ANAPC15: variants seen among roughly 807,000 people sequenced by gnomAD.
The protein encoded by ANAPC15 is anaphase-promoting complex subunit 15.
Under a neutral mutation model 19.8 loss-of-function variants are expected in ANAPC15, and 13 were observed. The ratio of observed to expected loss-of-function variants is 0.66; its 90% CI spans 0.43 to 1.04. The LOEUF (loss-of-function observed/expected upper bound fraction) is 1.04. Ranked by LOEUF, ANAPC15 falls within the 50% of genes least tolerant of loss-of-function variation. The pLI is 0.00. For missense variants in ANAPC15, 88 were observed against 150.3 expected, an observed-to-expected ratio of 0.59 and a Z score of 2.17; for synonymous variants, 45 against 50.7, an observed-to-expected ratio of 0.89 and a Z score of 0.47.
intron 4 of ANAPC15, 158 bp downstream of exon 4, chr11:72,110,386 C>G (rs1946428848): frequency 2.0e-6 from 3 of 1,526,300 alleles, no homozygotes; most frequent in South Asian, 2.4e-5. Flanking sequence ...GACCTTAATG[C>G]TAGGCCCAAT....
chr11:72,108,493 C>T, downstream of ANAPC15: 2 of 913,166 alleles, frequency 2.2e-6, no homozygotes, highest in Non-Finnish European at 1.6e-6. Context: ...TGTGAGAACA[C>T]TCATGGGAAG....
In ANAPC15 at chr11:72,109,778, C is replaced by T; in HGVS notation, c.*103G>A. The T allele has an allele frequency of 6.9e-7, 1 of 1,457,798 alleles. No individual in the cohort carries two copies. The allele number at this position is 1,457,798 out of a possible 1,614,324, so 90.3% of individuals were successfully genotyped here. On this transcript the variant is annotated 3_prime_UTR_variant, in exon 6 of 6. Coordinates refer to ENST00000227618, the MANE Select transcript of ANAPC15 (RefSeq NM_014042.3). Reference sequence around the variant, plus strand: ...GGAGGTGCCCAAGGGCACTTTCAGGCACTGGGGCCATCAGCTGGTTCTGTG... The same window carrying T: ...GGAGGTGCCCAAGGGCACTTTCAGGTACTGGGGCCATCAGCTGGTTCTGTG...
downstream of ANAPC15, chr11:72,108,498 G>A: frequency 1.0e-6 from 1 of 959,312 alleles, no homozygotes; most frequent in Non-Finnish European, 1.5e-6. Context: ...GAACACTCAT[G>A]GGAAGCTAAG....
chr11:72,108,517 T>C (rs1945959688), downstream of ANAPC15: 4 of 1,220,054 alleles, frequency 3.3e-6, no homozygotes, highest in Non-Finnish European at 4.4e-6. Flanking sequence ...AGCCAGGACC[T>C]GGCATGAAGT....
rs571214744 is a variant in ANAPC15, at chr11:72,109,805, G to C, written c.*76C>G. 5.7e-6 allele frequency: 9 copies of C among 1,577,436 alleles called. No individual in the cohort carries two copies. The Admixed American group carries it at 8.3e-5, about 15-fold the overall frequency. ...CTGGGGCCATCAGCTGGTTCTGTGG[G>C]CAGGGGTTGGGGGTTGGGATGCAGG... On this transcript the variant is annotated 3_prime_UTR_variant, in exon 6 of 6. Coordinates refer to ENST00000227618, the MANE Select transcript of ANAPC15 (RefSeq NM_014042.3).
At chr11:72,108,200 T>A, downstream of ANAPC15, 1 of 1,286,816 alleles carries the variant, frequency 7.8e-7, no homozygotes, top group Non-Finnish European at 1.0e-6. Flanking sequence ...GACTCCCATC[T>A]AAGGAGAAGG....
downstream of ANAPC15, chr11:72,109,098 A>G: frequency 3.3e-6 from 2 of 613,266 alleles, no homozygotes; most frequent in Non-Finnish European, 5.6e-6. Context: ...TCAAGTGTCA[A>G]GTTCTATCAG....
In ANAPC15 at chr11:72,111,423, T is replaced by C; in HGVS notation, c.-22A>G. The stretch of plus-strand genomic sequence containing the variant: ...GGAATCAGACAGACCTGGCTTTGAG[T>C]CCTGGCTCCACCACTTACTAGCTGT... On this transcript the variant is annotated 5_prime_UTR_variant, in exon 2 of 6. Transcript: ENST00000227618. The C allele has an allele frequency of 1.5e-6, 1 of 664,118 alleles. No individual in the cohort carries two copies. The highest frequency in any genetic ancestry group is 2.7e-6 in the Non-Finnish European group (1 of 375,580). The allele number at this position is 664,118 out of a possible 1,614,324, so 41.1% of individuals were successfully genotyped here. A position where few individuals can be genotyped will look rare whatever the true frequency, so the allele number is the denominator to read the frequency against.
At chr11:72,109,012 G>T, downstream of ANAPC15, 1 of 1,207,514 alleles carries the variant, frequency 8.3e-7, no homozygotes, top group Non-Finnish European at 1.1e-6. Flanking sequence ...CCTGTTTGGG[G>T]CCTTGACACA....
At position 72,111,303 on chromosome 11, in the gene ANAPC15, A is replaced by G; in HGVS notation, c.-10-17T>C. ...GCTCCTAGACTGAGGGAAAGGGTCAAGTGAATGTGTTTTGCTTTGTTTTTG... is the reference window on the plus strand; with the variant it reads ...GCTCCTAGACTGAGGGAAAGGGTCAGGTGAATGTGTTTTGCTTTGTTTTTG... On this transcript the variant is annotated splice_polypyrimidine_tract_variant and intron_variant, in intron 2 of 5. Coordinates refer to ENST00000227618, the MANE Select transcript of ANAPC15 (RefSeq NM_014042.3). 6.4e-7 allele frequency: 1 copy of G among 1,561,736 alleles called. No homozygotes were observed. Among genetic ancestry groups the G allele is most frequent in the Non-Finnish European group, 8.8e-7 (1 of 1,133,660 alleles).
At chr11:72,108,403 G>T (rs1265879715), downstream of ANAPC15, among the ~76,000 whole-genome samples, 1 of 152,222 alleles carries the variant, frequency 6.6e-6, no homozygotes, top group African/African-American at 2.4e-5. Context: ...AGCAAAGCAT[G>T]CATCCTCTGA....
downstream of ANAPC15, chr11:72,108,016 G>C: frequency 3.9e-6 from 6 of 1,551,686 alleles, no homozygotes; most frequent in Non-Finnish European, 5.2e-6. Flanking sequence ...CTTATTGCCC[G>C]AGCCCTGCCC....
intron 1 of ANAPC15, chr11:72,111,897 G>A (rs908253375): frequency 1.3e-5 from 2 of 153,134 alleles, no homozygotes; most frequent in African/African-American, 2.4e-5. Context: ...TAAATAAGTA[G>A]ATGGAAGATT....
downstream of ANAPC15, among the ~76,000 whole-genome samples, chr11:72,108,327 G>T (rs1945932245): frequency 1.3e-5 from 2 of 152,228 alleles, no homozygotes; most frequent in African/African-American, 4.8e-5. Flanking sequence ...CTAAGAGGAA[G>T]GTCTCTGGAA....
At chr11:72,110,417 CT>C in intron 4 of ANAPC15, 126 bp downstream of exon 4, 1 of 1,522,312 alleles carries the variant, frequency 6.6e-7, no homozygotes, top group Non-Finnish European at 9.0e-7. Flanking sequence ...TCTATCTCCC[CT>C]TTTAGGCTTT....
Position 72,111,584 on chromosome 11 carries a change from G to A in ANAPC15, c.-95-88C>T, listed in dbSNP as rs1430852856. On this transcript the variant is annotated intron_variant, in intron 1 of 5. Coordinates refer to ENST00000227618, the MANE Select transcript of ANAPC15 (RefSeq NM_014042.3). ...AATGGATCAACAAAGCTGTTTGCAG[G>A]CTGTTCAAGGAGGGATGAGAATGGG... is the stretch of plus-strand genomic sequence containing the variant. 2.4e-5 allele frequency: 6 copies of A among 250,862 alleles called. No homozygotes were observed. The East Asian group carries it at 6.3e-4, about 26-fold the overall frequency. 15.5% of individuals were successfully genotyped at this position (250,862 alleles called of 1,614,324 possible). A position where few individuals can be genotyped will look rare whatever the true frequency, so the allele number is the denominator to read the frequency against.
At chr11:72,110,260 G>A in intron 4 of ANAPC15, 35 bp from the exon 5 acceptor site, 2 of 1,610,596 alleles carry the variant, frequency 1.2e-6, no homozygotes, top group Non-Finnish European at 8.5e-7. Context: ...AGCCCTACAG[G>A]CCTGCATGGA....
chr11:72,111,982 A>T (rs972422063), intron 1 of ANAPC15: 5 of 152,824 alleles, frequency 3.3e-5, no homozygotes, highest in Admixed American at 2.0e-4. Context: ...GTGCCAGATA[A>T]TCTGAATTAA....
chr11:72,109,484 C>T, downstream of ANAPC15: 1 of 387,856 alleles, frequency 2.6e-6, no homozygotes, highest in South Asian at 1.9e-5. Context: ...CCCACCTAGC[C>T]AATTAGGTGT....
Sources: allele counts gnomAD v4.1 joint callset (sites outside exome capture counted in the v4.1 genomes callset), GRCh38; gene constraint gnomAD v4.1.1; transcripts MANE v1.5; gene names NCBI Gene and HGNC (gene_info 2026-07-23, HGNC 2026-07-21).